Variants in KLHDC10 observed in about 807,000 individuals in gnomAD.
KLHDC10 encodes the protein kelch domain containing 10.
Under a neutral mutation model 56.1 loss-of-function variants are expected in KLHDC10, and 24 were observed. The observed-to-expected ratio is 0.43, with a 90% CI of 0.31 to 0.60. The LOEUF is 0.60. Among genes scored for constraint, KLHDC10 ranks in the 20% least tolerant of loss-of-function variants. The pLI, the probability that KLHDC10 is intolerant of heterozygous loss-of-function variation, is 0.11. For missense variants in KLHDC10, 349 were observed against 567.0 expected (o/e 0.62, Z 3.91); for synonymous variants, 188 against 207.1 (o/e 0.91, Z 0.79).
chr7:130,077,359 A>AC lies in KLHDC10; in HGVS notation c.166+6550_166+6551insC, dbSNP rs1322570843. ...ACTGAACAAGACTCTGTCTCAAAAA[A>AC]AAAAAAAAAAAAAAAAAAAAAAACA... On this transcript the variant is annotated intron_variant, in intron 1 of 9. Coordinates refer to ENST00000335420, the MANE Select transcript of KLHDC10 (RefSeq NM_014997.4). Among the ~76,000 whole-genome samples the AC allele has an allele frequency of 2.0e-5, 3 of 146,552 alleles. No homozygotes were observed. The East Asian group carries it at 6.0e-4, about 29-fold the overall frequency.
chr7:130,074,656 T>C (rs1197510270), intron 1 of KLHDC10, among the ~76,000 whole-genome samples: 1 of 151,120 alleles, frequency 6.6e-6, no homozygotes, highest in Non-Finnish European at 1.5e-5. Context: ...AGTCTTGCTC[T>C]GTCACCCAGG....
At chr7:130,075,642 C>T (rs776331319) in intron 1 of KLHDC10, among the ~76,000 whole-genome samples, 2 of 152,272 alleles carry the variant, frequency 1.3e-5, no homozygotes, top group African/African-American at 4.8e-5. Context: ...ACATATATAA[C>T]TTTTGCACAT....
At chr7:130,103,754 A>G (rs1795970813) in intron 2 of KLHDC10, among the ~76,000 whole-genome samples, 1 of 152,072 alleles carries the variant, frequency 6.6e-6, no homozygotes, top group Non-Finnish European at 1.5e-5. Flanking sequence ...TTTGTGACAT[A>G]CCCCATTTTG....
At chr7:130,096,641 T>G (rs543107508) in intron 1 of KLHDC10, among the ~76,000 whole-genome samples, 43 of 152,182 alleles carry the variant, frequency 2.8e-4, no homozygotes, top group Non-Finnish European at 4.9e-4. Context: ...AAGATGGCAT[T>G]GGTGATTATT....
At chr7:130,127,116 A>G (rs545496287) in intron 7 of KLHDC10, among the ~76,000 whole-genome samples, 3 of 152,336 alleles carry the variant, frequency 2.0e-5, no homozygotes, top group South Asian at 4.1e-4. Context: ...AATTAAATAA[A>G]TAATAAAGAT....
chr7:130,128,919 T>TATATATATATATATATATATACAC (rs1292651924), intron 8 of KLHDC10, among the ~76,000 whole-genome samples: 24 of 115,676 alleles, frequency 2.1e-4, no homozygotes, highest in African/African-American at 5.6e-4. Flanking sequence ...TATATATATA[T>TATATATATATATATATATATACAC]ACATACTAGC....
At chr7:130,096,833 G>A (rs1206800694) in intron 1 of KLHDC10, 88 bp from the exon 2 acceptor site, 2 of 905,558 alleles carry the variant, frequency 2.2e-6, no homozygotes, top group Non-Finnish European at 3.4e-6. Flanking sequence ...TTTGTTTCCT[G>A]TTTTTCTGTC....
intron 1 of KLHDC10, among the ~76,000 whole-genome samples, chr7:130,072,622 G>T (rs936930104): frequency 1.3e-5 from 2 of 152,012 alleles, no homozygotes; most frequent in African/African-American, 4.8e-5. Context: ...ATTCTGCTAG[G>T]TATTGCATTT....
At chr7:130,122,351 A>T (rs1330578655) in intron 5 of KLHDC10, 149 bp downstream of exon 5, 2 of 695,398 alleles carry the variant, frequency 2.9e-6, no homozygotes, top group Non-Finnish European at 2.3e-6. Context: ...TAGTAAAGAA[A>T]GGTCTATAGT....
chr7:130,084,706 G>T (rs541015644), intron 1 of KLHDC10, among the ~76,000 whole-genome samples: 1 of 152,110 alleles, frequency 6.6e-6, no homozygotes, highest in Non-Finnish European at 1.5e-5. Context: ...GAACCCAGGA[G>T]GCGGAGGTTG....
At chr7:130,106,155 TAAATA>T (rs1343567040) in intron 2 of KLHDC10, among the ~76,000 whole-genome samples, 2 of 151,940 alleles carry the variant, frequency 1.3e-5, no homozygotes, top group Non-Finnish European at 2.9e-5. Context: ...TCAAAATAAA[TAAATA>T]AAATAAATAA....
At chr7:130,119,148 G>A (rs1796211553) in intron 3 of KLHDC10, among the ~76,000 whole-genome samples, 1 of 151,642 alleles carries the variant, frequency 6.6e-6, no homozygotes, top group African/African-American at 2.4e-5. Flanking sequence ...GTTCAAGGCT[G>A]CAGTGAGCCA....
At chr7:130,075,759 G>T (rs1367671699) in intron 1 of KLHDC10, among the ~76,000 whole-genome samples, 1 of 152,150 alleles carries the variant, frequency 6.6e-6, no homozygotes, top group African/African-American at 2.4e-5. Flanking sequence ...TCAAGTTTAT[G>T]TTTCCCTGTT....
In KLHDC10 at chr7:130,080,639, C is replaced by T. The variant is rs145664890; in HGVS notation, c.166+9830C>T. 4.5e-3 allele frequency among the ~76,000 whole-genome samples: 682 copies of T among 152,200 alleles called. 6 individuals are homozygous for T. The highest frequency in any genetic ancestry group is 7.1e-3 in the Non-Finnish European group (486 of 68,010). Reference sequence around the variant, plus strand: ...CTTGAATTCCCAAGCTCAAGCAATCCTCCCACCTCGGCCTCCCAAAGTGCT... The same window carrying T: ...CTTGAATTCCCAAGCTCAAGCAATCTTCCCACCTCGGCCTCCCAAAGTGCT... On this transcript the variant is annotated intron_variant, in intron 1 of 9. Coordinates refer to ENST00000335420, the MANE Select transcript of KLHDC10 (RefSeq NM_014997.4).
intron 2 of KLHDC10, among the ~76,000 whole-genome samples, chr7:130,114,193 T>G (rs116732565): frequency 0.014 from 2,168 of 152,276 alleles, 45 homozygotes; most frequent in African/African-American, 0.049. Flanking sequence ...ATACATGACC[T>G]TTGCCCTTGA....
chr7:130,130,710 T>C lies in KLHDC10; in HGVS notation c.1293T>C (p.Leu431=), dbSNP rs761401743. 1.2e-6 allele frequency: 2 copies of C among 1,614,074 alleles called. No individual in the cohort carries two copies. The highest frequency in any genetic ancestry group is 1.3e-5 in the African/African-American group (1 of 74,918). Residue 431 remains leucine, a synonymous_variant, in exon 10 of 10, where the codon CTT becomes CTC. Coordinates refer to ENST00000335420, the MANE Select transcript of KLHDC10 (RefSeq NM_014997.4). The surrounding 1 kb of genome is among the most constrained non-coding windows in gnomAD (Gnocchi z 4.2). ...ANLSRTQLLH[L]GLTQGLIERL... is the part of the protein sequence containing the mutation. ...TCTCCCGAACACAACTTCTGCACCT[T>C]GGACTCACACAGGGACTCATCGAAC...
Position 130,135,638 on chromosome 7 carries a change from T to C in KLHDC10, c.*4892T>C, listed in dbSNP as rs977727274. On this transcript the variant is annotated 3_prime_UTR_variant, in exon 10 of 10. Transcript: ENST00000335420. ...CCCTAAAATGTCCAATCTGTATTTA[T>C]GTACCTTGTCAGTGTTTTGCTGTTG... 4.5e-5 allele frequency: 7 copies of C among 154,434 alleles called. No homozygotes were observed. The highest frequency in any genetic ancestry group is 5.1e-4 in the Middle Eastern group (1 of 1,948). The allele number at this position is 154,434 out of a possible 1,614,324, so 9.6% of individuals were successfully genotyped here. A position where few individuals can be genotyped will look rare whatever the true frequency, so the allele number is the denominator to read the frequency against.
intron 1 of KLHDC10, among the ~76,000 whole-genome samples, chr7:130,096,570 C>G (rs1030898535): frequency 5.9e-5 from 9 of 152,138 alleles, no homozygotes; most frequent in Admixed American, 1.3e-4. Context: ...TTGAAATTAA[C>G]TGACTTAAAA....
rs1314469287 is a variant in KLHDC10 at position 130,135,164 on chromosome 7, A to G, written c.*4418A>G. ...CCTGCTTAGTCAGTGTACAGGGTGG[A>G]GTCAGAGGCAGTTTTCAGAAAAAAA... On this transcript the variant is annotated 3_prime_UTR_variant, in exon 10 of 10. Transcript: ENST00000335420. 1 of 138,302 alleles carries G rather than the reference A, an allele frequency of 7.2e-6. No individual in the cohort carries two copies. The highest frequency in any genetic ancestry group is 2.7e-5 in the African/African-American group (1 of 37,468). 8.6% of individuals were successfully genotyped at this position (138,302 alleles called of 1,614,324 possible).
Sources: gnomAD v4.1 joint callset for allele counts (sites outside exome capture counted in the v4.1 genomes callset) on GRCh38, gnomAD v4.1.1 for gene constraint, Gnocchi (gnomAD v3.1) non-coding constraint, MANE v1.5 for transcripts, NCBI Gene and HGNC (gene_info 2026-07-23, HGNC 2026-07-21) for gene names.